The following DOCK8 variants were observed in gnomAD, a reference collection of about 807,000 sequenced individuals.
The protein encoded by DOCK8 is dedicator of cytokinesis 8.
In DOCK8, 141 loss-of-function variants were observed where a neutral mutation model predicts 245.6. The ratio of observed to expected loss-of-function variants is 0.57; its 90% CI spans 0.50 to 0.66. The LOEUF (loss-of-function observed/expected upper bound fraction) is 0.66. DOCK8 is among the 30% of genes least tolerant of loss of function. The probability of loss-of-function intolerance (pLI) is 0.00; values close to 1 mark genes in which losing one functional copy is unlikely to be tolerated. For missense variants in DOCK8, 2,965 were observed against 2,603.4 expected, an observed-to-expected ratio of 1.14 and a Z score of -3.02; for synonymous variants, 1,168 against 970.2, an observed-to-expected ratio of 1.20 and a Z score of -3.79.
intron 44 of DOCK8, among the ~76,000 whole-genome samples, chr9:448,742 C>G (rs2057340450): frequency 6.6e-6 from 1 of 152,180 alleles, no homozygotes; most frequent in Non-Finnish European, 1.5e-5. Context: ...AGGGCTTACC[C>G]TGCTGGCCTC....
intron 4 of DOCK8, among the ~76,000 whole-genome samples, chr9:301,927 G>C (rs1158798812): frequency 6.6e-6 from 1 of 151,680 alleles, no homozygotes; most frequent in Non-Finnish European, 1.5e-5. Context: ...TGCCCAAAGA[G>C]ATTTTTAGAT....
At chr9:341,650 A>G (rs571130822) in intron 14 of DOCK8, among the ~76,000 whole-genome samples, 2 of 152,264 alleles carry the variant, frequency 1.3e-5, no homozygotes, top group East Asian at 1.9e-4. Flanking sequence ...TGAACGCTCA[A>G]TGGCATTATC....
rs376607682 is a variant in DOCK8 at position 382,524 on chromosome 9, G to C, written c.2617G>C (p.Ala873Pro). 2 of 1,613,736 alleles carry C rather than the reference G, an allele frequency of 1.2e-6. No homozygotes were observed. The highest frequency in any genetic ancestry group is 2.7e-5 in the African/African-American group (2 of 75,020). Residue 873 changes from alanine (A) to proline (P), a missense_variant, in exon 22 of 48, where the codon GCC becomes CCC. Around this residue, in one of 3 missense-constraint regions of DOCK8, gnomAD observed 2,825 missense variants for 2,453.5 expected, o/e 1.15. Transcript: ENST00000432829. ...CTGGTGGGGTGCAGGCGCTCCCACTGCCCTCCTAGACCCTCGGAGCTACCA... is the reference window on the plus strand; with the variant it reads ...CTGGTGGGGTGCAGGCGCTCCCACTCCCCTCCTAGACCCTCGGAGCTACCA... ...RDVPKSGAPT[A>P]LLDPRSYHTY...
intron 29 of DOCK8, among the ~76,000 whole-genome samples, chr9:415,577 G>C (rs1485263699): frequency 1.3e-5 from 2 of 152,154 alleles, no homozygotes; most frequent in African/African-American, 4.8e-5. Context: ...ATTAAGGAAT[G>C]TAGAGGGAAA....
chr9:319,355 C>A (rs2050484689), intron 7 of DOCK8, among the ~76,000 whole-genome samples: 1 of 152,070 alleles, frequency 6.6e-6, no homozygotes, highest in African/African-American at 2.4e-5. Flanking sequence ...TAGTGATGTC[C>A]CCGCAACTGC....
rs1415260506 is a variant in DOCK8 at position 355,193 on chromosome 9, T to C, written c.1680-12825T>C. 6.7e-3 allele frequency among the ~76,000 whole-genome samples: 56 copies of C among 8,310 alleles called. 1 individual carries two copies. Among genetic ancestry groups the C allele is most frequent in the Admixed American group, 0.042 (27 of 648 alleles). The allele number at this position is 8,310 out of a possible 152,430, so 5.5% of individuals were successfully genotyped here. A position where few individuals can be genotyped will look rare whatever the true frequency, so the allele number is the denominator to read the frequency against. On this transcript the variant is annotated intron_variant, in intron 14 of 47. Coordinates refer to ENST00000432829, the MANE Select transcript of DOCK8 (RefSeq NM_203447.4). ...GACTGGTGTATTTCTGTTTCTTTTC[T>C]TTTTTTTTTTTTTTTTTTTTTTTTT...
intron 36 of DOCK8, among the ~76,000 whole-genome samples, chr9:430,202 C>G (rs1235342921): frequency 6.6e-6 from 1 of 152,082 alleles, no homozygotes; most frequent in Non-Finnish European, 1.5e-5. Flanking sequence ...TGGTGAAATC[C>G]TGTCTCTACT....
At chr9:438,361 A>G (rs2056973605) in intron 39 of DOCK8, among the ~76,000 whole-genome samples, 3 of 152,262 alleles carry the variant, frequency 2.0e-5, no homozygotes, top group Non-Finnish European at 4.4e-5. Flanking sequence ...AGCAATAGGA[A>G]GGAGTGGCAT....
intron 28 of DOCK8, 111 bp downstream of exon 28, chr9:407,180 C>T (rs996177685): frequency 3.3e-6 from 5 of 1,495,604 alleles, no homozygotes; most frequent in Non-Finnish European, 2.7e-6. Context: ...TGTAGTTGAC[C>T]AGTTCTGAGG....
At chr9:407,163 A>G (rs967390701) in intron 28 of DOCK8, 94 bp downstream of exon 28, 1 of 1,571,108 alleles carries the variant, frequency 6.4e-7, no homozygotes, top group African/African-American at 1.4e-5. Context: ...TTGGTAAAAA[A>G]CTCTACTGTA....
intron 25 of DOCK8, among the ~76,000 whole-genome samples, 182 bp from the exon 26 acceptor site, chr9:398,964 C>A (rs758607297): frequency 5.9e-5 from 9 of 152,132 alleles, no homozygotes; most frequent in Non-Finnish European, 1.3e-4. Flanking sequence ...CGAATAATTA[C>A]TTGATTCAAC....
rs575649496 is a variant in DOCK8 at position 322,474 on chromosome 9, G to T, written c.828-3197G>T. Among the ~76,000 whole-genome samples, 3 of 152,294 alleles carry T rather than the reference G, an allele frequency of 2.0e-5. 1 individual carries two copies. Among genetic ancestry groups the T allele is most frequent in the Admixed American group, 1.3e-4 (2 of 15,302 alleles). ...AGATGGCTGGGCTCAAAACCTGACC[G>T]TGCCAGTCCCTAACTGTGTAGACTT... On this transcript the variant is annotated intron_variant, in intron 7 of 47. Transcript: ENST00000432829.
intron 4 of DOCK8, among the ~76,000 whole-genome samples, chr9:298,223 G>A (rs1342298452): frequency 2.0e-5 from 3 of 152,094 alleles, no homozygotes; most frequent in Admixed American, 6.5e-5. Flanking sequence ...TCAGGAGTTC[G>A]AGACCAGCCT....
At chr9:421,482 C>T (rs1431993630) in intron 32 of DOCK8, among the ~76,000 whole-genome samples, 1 of 152,300 alleles carries the variant, frequency 6.6e-6, no homozygotes, top group Non-Finnish European at 1.5e-5. Flanking sequence ...TCTTCTCGAT[C>T]ATTCAGGGCA....
chr9:355,123 T>G (rs1261708547), intron 14 of DOCK8, among the ~76,000 whole-genome samples: 2 of 151,926 alleles, frequency 1.3e-5, no homozygotes, highest in Non-Finnish European at 2.9e-5. Flanking sequence ...AGGTTAATTT[T>G]GTGGATGCTG....
At chr9:411,068 A>T (rs944674336) in intron 28 of DOCK8, among the ~76,000 whole-genome samples, 1 of 152,234 alleles carries the variant, frequency 6.6e-6, no homozygotes, top group Non-Finnish European at 1.5e-5. Context: ...AAGTAAAAAG[A>T]TTGAGTTAGT....
intron 37 of DOCK8, 117 bp from the exon 38 acceptor site, chr9:433,758 C>G (rs141569438): frequency 7.5e-5 from 62 of 829,266 alleles, no homozygotes; most frequent in Middle Eastern, 4.4e-4. Context: ...CATCCCTAGT[C>G]TCTGCTGCCC....
intron 9 of DOCK8, among the ~76,000 whole-genome samples, 198 bp from the exon 10 acceptor site, chr9:332,200 C>G (rs1461474927): frequency 1.3e-5 from 2 of 152,054 alleles, no homozygotes; most frequent in African/African-American, 4.8e-5. Context: ...TACTGTCACC[C>G]TTTTAATATG....
chr9:364,459 C>G (rs1410581884), intron 14 of DOCK8, among the ~76,000 whole-genome samples: 1 of 151,670 alleles, frequency 6.6e-6, no homozygotes, highest in Non-Finnish European at 1.5e-5. Context: ...ATGGTGAGAC[C>G]CTGTCTCTAC....
Sources: allele counts gnomAD v4.1 joint callset (sites outside exome capture counted in the v4.1 genomes callset), GRCh38; gene constraint gnomAD v4.1.1; regional missense constraint gnomAD v4.1.1; transcripts MANE v1.5; gene names NCBI Gene and HGNC (gene_info 2026-07-23, HGNC 2026-07-21).